Variants in ESRP2 observed in about 807,000 individuals in gnomAD.
ESRP2 encodes the protein epithelial splicing regulatory protein 2.
ESRP2 carries 48 observed loss-of-function variants against 78.6 expected under a neutral mutation model. The ratio of observed to expected loss-of-function variants is 0.61; its 90% CI spans 0.48 to 0.78. The LOEUF is 0.78. Ranked by LOEUF, ESRP2 falls within the 30% of genes least tolerant of loss-of-function variation. The probability of loss-of-function intolerance (pLI) is 0.00; values close to 1 mark genes in which losing one functional copy is unlikely to be tolerated. For synonymous variants in ESRP2, 383 were observed against 406.7 expected (o/e 0.94, Z 0.70); for missense variants, 863 against 965.9 (o/e 0.89, Z 1.41).
chr16:68,231,488 G>C lies in ESRP2; in HGVS notation c.1506C>G (p.Asn502Lys). ...IRPHGVHMVL[N>K]QQGRPSGDAF... ...TACCAAGCAGTGGCTTCACCTGCTG[G>C]TTGAGCACCATGTGTACACCGTGGG... is the stretch of plus-strand genomic sequence containing the variant. Residue 502 changes from asparagine (N) to lysine (K), a missense_variant, in exon 11 of 15, where the codon AAC becomes AAG. Physicochemically the swap from Asn to Lys is moderately conservative, Grantham distance 94. Coordinates refer to ENST00000473183, the MANE Select transcript of ESRP2 (RefSeq NM_024939.3). This position sits in a 1 kb window ranked among gnomAD's most constrained non-coding sequence, Gnocchi z 6.0. The C allele has an allele frequency of 6.2e-7, 1 of 1,614,044 alleles. No individual in the cohort carries two copies.
chr16:68,232,769 C>G lies in ESRP2; in HGVS notation c.702G>C (p.Thr234=), dbSNP rs1278247178. The G allele has an allele frequency of 6.2e-7, 1 of 1,614,250 alleles. No homozygotes were observed. ...CCTGCTCCCACACTCACCAAGGCCC[C>G]GTCTCGTATTTCTGCTTTATCACCT... is the stretch of plus-strand genomic sequence containing the variant. ...KPEVIKQKYE[T]GPCSKADVVD... The change falls in exon 6 of 15, where the codon ACG becomes ACC. Residue 234 remains threonine (T), a synonymous_variant. Coordinates refer to ENST00000473183, the MANE Select transcript of ESRP2 (RefSeq NM_024939.3). The surrounding 1 kb of genome is among the most constrained non-coding windows in gnomAD (Gnocchi z 5.2).
rs1039060567 is a variant in ESRP2, at chr16:68,235,233, C to G, written c.327+401G>C. On this transcript the variant is annotated intron_variant, in intron 2 of 14. Transcript: ENST00000473183. The surrounding 1 kb of genome is among the most constrained non-coding windows in gnomAD (Gnocchi z 5.5). ...CCGCTCCAGCAGCTCCCAAGCAGGC[C>G]GAAGACGCGGGCCGCAAGGACAGGT... is the stretch of plus-strand genomic sequence containing the variant. The G allele has an allele frequency of 2.0e-6, 2 of 985,384 alleles. No homozygotes were observed. Among genetic ancestry groups the G allele is most frequent in the African/African-American group, 3.5e-5 (2 of 57,360 alleles). The allele number at this position is 985,384 out of a possible 1,614,324, so 61.0% of individuals were successfully genotyped here. A position where few individuals can be genotyped will look rare whatever the true frequency, so the allele number is the denominator to read the frequency against.
rs773762410 is a variant in ESRP2 at position 68,230,321 on chromosome 16, G to A, written c.2065-6C>T. The A allele has an allele frequency of 1.2e-6, 2 of 1,614,198 alleles. No homozygotes were observed. Among genetic ancestry groups the A allele is most frequent in the African/African-American group, 1.3e-5 (1 of 75,062 alleles). On this transcript the variant is annotated splice_region_variant and splice_polypyrimidine_tract_variant and intron_variant, in intron 14 of 14. Coordinates refer to ENST00000473183, the MANE Select transcript of ESRP2 (RefSeq NM_024939.3). Reference sequence around the variant, plus strand: ...GTGTAGTCATCAGCGGGTAGCTACAGAAGGGACACAGATTTAGGGCAGAGA... The same window carrying A: ...GTGTAGTCATCAGCGGGTAGCTACAAAAGGGACACAGATTTAGGGCAGAGA...
Position 68,233,416 on chromosome 16 carries a change from A to G in ESRP2, c.566T>C (p.Leu189Pro), listed in dbSNP as rs1238545555. Residue 189 changes from leucine (L) to proline (P), a missense_variant, in exon 5 of 15, where the codon CTG (leucine) becomes CCG (proline). Physicochemically the swap from Leu to Pro is moderately conservative, Grantham distance 98 (BLOSUM62 -3). Transcript: ENST00000473183. The stretch of plus-strand genomic sequence containing the variant: ...GTCATCCTCTGTGGCATCTGTCTCC[A>G]GTCCTAAACCTATGGGCAGAGAAGT... ...TVATMAQGLG[L>P]ETDATEDDFG... 1.2e-6 allele frequency: 2 copies of G among 1,613,410 alleles called. No homozygotes were observed. Among genetic ancestry groups the G allele is most frequent in the East Asian group, 4.5e-5 (2 of 44,868 alleles).
At position 68,235,787 on chromosome 16, in the gene ESRP2, C is replaced by G. The variant is rs766002599; in HGVS notation, c.199-25G>C. 6.2e-7 allele frequency: 1 copy of G among 1,608,710 alleles called. No homozygotes were observed. ...CCTGTGAGCGGCGGGGGAAACCGAT[C>G]AGCCGCGCCCCTCGACCCCGGAAGC... On this transcript the variant is annotated intron_variant, in intron 1 of 14. Transcript: ENST00000473183. The surrounding 1 kb of genome is among the most constrained non-coding windows in gnomAD (Gnocchi z 5.5).
rs1371734745 is a variant in ESRP2, at chr16:68,229,187, AG to A, written c.*1038del. 6.6e-6 allele frequency: 1 copy of A among 152,248 alleles called. No homozygotes were observed. Among genetic ancestry groups the A allele is most frequent in the Non-Finnish European group, 1.5e-5 (1 of 68,040 alleles). The allele number at this position is 152,248 out of a possible 1,614,324, so 9.4% of individuals were successfully genotyped here. A position where few individuals can be genotyped will look rare whatever the true frequency, so the allele number is the denominator to read the frequency against. ...TGCAGTGCTCCTTACACAAATACAA[AG>A]GGAAGAAGAGCCAGCAGTTGAGGCT... On this transcript the variant is annotated 3_prime_UTR_variant, in exon 15 of 15. Coordinates refer to ENST00000473183, the MANE Select transcript of ESRP2 (RefSeq NM_024939.3).
At position 68,231,374 on chromosome 16, in the gene ESRP2, GC is replaced by G. The variant is rs777619676; in HGVS notation, c.1514del (p.Gly505AlafsTer11). ...GAATGAAGGCATCGCCCGATGGCCGGCCCTGTGCACACCATCTTGTGAGCAG... is the reference window on the plus strand; with the variant it reads ...GAATGAAGGCATCGCCCGATGGCCGGCCTGTGCACACCATCTTGTGAGCAG... ...HGVHMVLNQQGRPSGDAFIQM... is the reference protein window; with the variant it reads ...HGVHMVLNQQXRPSGDAFIQM... On this transcript the variant is annotated frameshift_variant and splice_region_variant, in exon 12 of 15. Transcript: ENST00000473183. LOFTEE classifies it high-confidence loss of function. The surrounding 1 kb of genome is among the most constrained non-coding windows in gnomAD (Gnocchi z 6.0). 3 of 1,614,086 alleles carry G rather than the reference GC, an allele frequency of 1.9e-6. No individual in the cohort carries two copies. The highest frequency in any genetic ancestry group is 2.5e-6 in the Non-Finnish European group (3 of 1,179,990).
intron 2 of ESRP2, chr16:68,234,416 A>G: frequency 3.4e-6 from 1 of 293,448 alleles, no homozygotes; most frequent in East Asian, 7.3e-5. Context: ...GAGTGGGACA[A>G]GCAGGTGGGA....
In ESRP2 at chr16:68,234,046, G is replaced by A. The variant is rs1361146706; in HGVS notation, c.389C>T (p.Thr130Ile). The A allele has an allele frequency of 6.2e-7, 1 of 1,614,036 alleles. No individual in the cohort carries two copies. The highest frequency in any genetic ancestry group is 1.3e-5 in the African/African-American group (1 of 75,030). The change falls in exon 3 of 15, where the codon ACT becomes ATT. Residue 130 changes from threonine to isoleucine, a missense_variant. By Grantham distance (89) the Thr-to-Ile change is moderately conservative. Transcript: ENST00000473183. ...CTGTCGCAATAGCTGCTGCCCATCA[G>A]TGCAGAGCATGTAGGGGCCCCCGCC... ...LLGGGPYMLC[T>I]DGQQLLRQVL...
At chr16:68,233,948 C>G (rs1324651385) in intron 3 of ESRP2, 46 bp downstream of exon 3, 1 of 1,607,340 alleles carries the variant, frequency 6.2e-7, no homozygotes, top group African/African-American at 1.3e-5. Context: ...GTTCTGGGAA[C>G]CTTACTGACC....
In ESRP2 at chr16:68,230,514, G is replaced by T. The variant is rs775513480; in HGVS notation, c.1939C>A (p.Pro647Thr). ...SPTTVGYLTT[P>T]TAALASAPTS... ...GGAGCAGAGGCCAGGGCAGCAGTGG[G>T]TGTAGTGAGGTAGCCCACAGTGGTG... The change falls in exon 14 of 15, where the codon CCC becomes ACC. Residue 647 changes from proline to threonine, a missense_variant. Pro to Thr is a conservative substitution (Grantham distance 38, BLOSUM62 -1). Transcript: ENST00000473183. 6.2e-7 allele frequency: 1 copy of T among 1,600,280 alleles called. No individual in the cohort carries two copies. The highest frequency in any genetic ancestry group is 8.5e-7 in the Non-Finnish European group (1 of 1,172,444).
In ESRP2 at chr16:68,235,083, A is replaced by T; in HGVS notation, c.327+551T>A. Reference sequence around the variant, plus strand: ...GGCACCCCAGGCCTTTGCACTCAGCAGGCAGATAGTCCCCCAGGCCAGGCC... The same window carrying T: ...GGCACCCCAGGCCTTTGCACTCAGCTGGCAGATAGTCCCCCAGGCCAGGCC... On this transcript the variant is annotated intron_variant, in intron 2 of 14. Coordinates refer to ENST00000473183, the MANE Select transcript of ESRP2 (RefSeq NM_024939.3). This position sits in a 1 kb window ranked among gnomAD's most constrained non-coding sequence, Gnocchi z 5.5. The T allele has an allele frequency of 1.0e-6, 1 of 982,560 alleles. No individual in the cohort carries two copies. The highest frequency in any genetic ancestry group is 4.7e-5 in the South Asian group (1 of 21,416). The allele number at this position is 982,560 out of a possible 1,614,324, so 60.9% of individuals were successfully genotyped here. A position where few individuals can be genotyped will look rare whatever the true frequency, so the allele number is the denominator to read the frequency against.
In ESRP2 at chr16:68,231,105, C is replaced by A. The variant is rs2151192223; in HGVS notation, c.1711+73G>T. On this transcript the variant is annotated intron_variant, in intron 12 of 14. Coordinates refer to ENST00000473183, the MANE Select transcript of ESRP2 (RefSeq NM_024939.3). This position sits in a 1 kb window ranked among gnomAD's most constrained non-coding sequence, Gnocchi z 6.0. ...TGGGGTAGCCAGAAAGGAGTCCCCG[C>A]TATAGAAGGTAGGGGCTTACAACAG... 2.5e-6 allele frequency: 4 copies of A among 1,604,342 alleles called. No individual in the cohort carries two copies. Among genetic ancestry groups the A allele is most frequent in the Middle Eastern group, 1.7e-4 (1 of 6,028 alleles).
At chr16:68,233,488 G>A in intron 4 of ESRP2, 63 bp from the exon 5 acceptor site, 1 of 1,256,744 alleles carries the variant, frequency 8.0e-7, no homozygotes, top group Non-Finnish European at 1.2e-6. Context: ...TTTACTCCTG[G>A]GCCCAACTCC....
chr16:68,232,794 T>C lies in ESRP2; in HGVS notation c.677A>G (p.Glu226Gly). 1.2e-6 allele frequency: 2 copies of C among 1,614,108 alleles called. No homozygotes were observed. The highest frequency in any genetic ancestry group is 1.7e-6 in the Non-Finnish European group (2 of 1,180,026). ...CGTCTCGTATTTCTGCTTTATCACC[T>C]CGGGCTTCGAAAACAATTGACCTGA... ...EPSSQLFSKP[E>G]VIKQKYETGP... Residue 226 changes from glutamate to glycine, a missense_variant, in exon 6 of 15, where the codon GAG becomes GGG. By Grantham distance (98) the Glu-to-Gly change is moderately conservative. Coordinates refer to ENST00000473183, the MANE Select transcript of ESRP2 (RefSeq NM_024939.3). This position sits in a 1 kb window ranked among gnomAD's most constrained non-coding sequence, Gnocchi z 5.2.
Position 68,232,016 on chromosome 16 carries a change from G to C in ESRP2, c.1085C>G (p.Thr362Arg). 6.2e-7 allele frequency: 1 copy of C among 1,614,032 alleles called. No individual in the cohort carries two copies. The highest frequency in any genetic ancestry group is 8.5e-7 in the Non-Finnish European group (1 of 1,180,006). Residue 362 changes from threonine (T) to arginine (R), a missense_variant, in exon 10 of 15, where the codon ACG (threonine) becomes AGG (arginine). Transcript: ENST00000473183. The surrounding 1 kb of genome is among the most constrained non-coding windows in gnomAD (Gnocchi z 5.2). ...TGGCCCCAGGAAGCCAAGCACGTCC[G>C]TTGGCCCAGCCGAGAAGGGCAGTCC... is the stretch of plus-strand genomic sequence containing the variant. ...LRGLPFSAGP[T>R]DVLGFLGPEC...
intron 5 of ESRP2, 88 bp downstream of exon 5, chr16:68,233,239 T>G (rs1598653530): frequency 7.2e-6 from 6 of 834,944 alleles, no homozygotes; most frequent in East Asian, 2.5e-5. Context: ...GATTCCCCCG[T>G]GGTCTCTTAG....
At position 68,231,622 on chromosome 16, in the gene ESRP2, G is replaced by A. The variant is rs2042141438; in HGVS notation, c.1372C>T (p.Leu458=). Reference sequence around the variant, plus strand: ...CAGTCCCTCCCAGTCCCAGGTGCCAGTGGGAAGGGGATGGGCAGCAGTGGG... The same window carrying A: ...CAGTCCCTCCCAGTCCCAGGTGCCAATGGGAAGGGGATGGGCAGCAGTGGG... ...TAPLLPIPFP[L]APGTGRDCVR... Residue 458 remains leucine (L), a synonymous_variant, in exon 11 of 15, where the codon CTG becomes TTG. Transcript: ENST00000473183. The surrounding 1 kb of genome is among the most constrained non-coding windows in gnomAD (Gnocchi z 6.0). 1 of 1,614,020 alleles carries A rather than the reference G, an allele frequency of 6.2e-7. No homozygotes were observed. Among genetic ancestry groups the A allele is most frequent in the Non-Finnish European group, 8.5e-7 (1 of 1,179,958 alleles).
Position 68,229,948 on chromosome 16 carries a change from G to A in ESRP2, c.*278C>T, listed in dbSNP as rs2042103942. 2.0e-6 allele frequency: 1 copy of A among 507,444 alleles called. No homozygotes were observed. Among genetic ancestry groups the A allele is most frequent in the African/African-American group, 1.9e-5 (1 of 52,548 alleles). 31.4% of individuals were successfully genotyped at this position (507,444 alleles called of 1,614,324 possible). On this transcript the variant is annotated 3_prime_UTR_variant, in exon 15 of 15. Transcript: ENST00000473183. The stretch of plus-strand genomic sequence containing the variant: ...GGCCACAGCCAGGACAGACTTAAGG[G>A]CTCTCCAGGTGCCAGTCAAGATGCC...
Sources: allele counts gnomAD v4.1 joint callset, GRCh38; gene constraint gnomAD v4.1.1; non-coding constraint Gnocchi (gnomAD v3.1); transcripts MANE v1.5; gene names NCBI Gene and HGNC (gene_info 2026-07-23, HGNC 2026-07-21).